KCNV2: variants seen among roughly 807,000 people sequenced by gnomAD.
The protein encoded by KCNV2 is potassium voltage-gated channel subfamily V member 2.
In KCNV2, 65 loss-of-function variants were observed where a neutral mutation model predicts 37.0. That is an observed-to-expected ratio of 1.76 (90% CI 1.44 to 2.16). The LOEUF (loss-of-function observed/expected upper bound fraction) is 2.16. KCNV2 is among the 30% of genes most tolerant of loss of function. KCNV2 has a pLI of 0.00. For synonymous variants in KCNV2, 518 were observed against 328.6 expected, an observed-to-expected ratio of 1.58 and a Z score of -6.23; for missense variants, 1,232 against 766.7, an observed-to-expected ratio of 1.61 and a Z score of -7.17.
At position 2,729,864 on chromosome 9, in the gene KCNV2, C is replaced by A; in HGVS notation, c.*137C>A. ...GGCCATTTCGTTCACAAAGTACTGC[C>A]TCTAGAAATACTCATTTTGGCCCAA... On this transcript the variant is annotated 3_prime_UTR_variant, in exon 2 of 2. Transcript: ENST00000382082. The A allele has an allele frequency of 1.1e-6, 1 of 872,424 alleles. No homozygotes were observed. Among genetic ancestry groups the A allele is most frequent in the African/African-American group, 1.7e-5 (1 of 59,344 alleles). 54.0% of individuals were successfully genotyped at this position (872,424 alleles called of 1,614,324 possible). A position where few individuals can be genotyped will look rare whatever the true frequency, so the allele number is the denominator to read the frequency against.
At position 2,718,115 on chromosome 9, in the gene KCNV2, C is replaced by T. The variant is rs1400557971; in HGVS notation, c.376C>T (p.Leu126=). The stretch of plus-strand genomic sequence containing the variant: ...CTTCCCCAAGACGCGCCTAGGTCGC[C>T]TGGCCACCTCCACCAGCCGCAGCCG... ...AGFPKTRLGR[L]ATSTSRSRQL... Residue 126 remains leucine (L), a synonymous_variant, in exon 1 of 2, where the codon CTG becomes TTG. Coordinates refer to ENST00000382082, the MANE Select transcript of KCNV2 (RefSeq NM_133497.4). 1.9e-6 allele frequency: 3 copies of T among 1,601,552 alleles called. No individual in the cohort carries two copies. Among genetic ancestry groups the T allele is most frequent in the Admixed American group, 3.5e-5 (2 of 57,290 alleles).
At chr9:2,729,409 G>C (rs762181620) in intron 1 of KCNV2, 37 bp from the exon 2 acceptor site, 4 of 1,611,248 alleles carry the variant, frequency 2.5e-6, no homozygotes, top group Non-Finnish European at 3.4e-6. Flanking sequence ...CCCGATCTTA[G>C]TGCTAACAAT....
rs1484812852 is a variant in KCNV2 at position 2,729,393 on chromosome 9, C to G, written c.1357-53C>G. The G allele has an allele frequency of 1.9e-6, 3 of 1,602,904 alleles. No individual in the cohort carries two copies. In the African/African-American group the frequency reaches 4.0e-5, roughly 21 times the overall value. On this transcript the variant is annotated intron_variant, in intron 1 of 1. Transcript: ENST00000382082. Reference sequence around the variant, plus strand: ...CCCTGCTTGCTCCTCTCCCTTTCTTCTCCTCCCCGATCTTAGTGCTAACAA... The same window carrying G: ...CCCTGCTTGCTCCTCTCCCTTTCTTGTCCTCCCCGATCTTAGTGCTAACAA...
At chr9:2,724,413 A>G (rs937434230) in intron 1 of KCNV2, among the ~76,000 whole-genome samples, 3 of 152,226 alleles carry the variant, frequency 2.0e-5, no homozygotes, top group Admixed American at 6.5e-5. Flanking sequence ...CAAACAGGGA[A>G]TTTAATACAA....
In KCNV2 at chr9:2,718,980, T is replaced by A; in HGVS notation, c.1241T>A (p.Leu414Gln). The A allele has an allele frequency of 1.2e-6, 2 of 1,611,808 alleles. No individual in the cohort carries two copies. The highest frequency in any genetic ancestry group is 4.5e-5 in the East Asian group (2 of 44,878). The change falls in exon 1 of 2, where the codon CTG becomes CAG. Residue 414 changes from leucine (L) to glutamine (Q), a missense_variant. By Grantham distance (113) the Leu-to-Gln change is moderately radical (BLOSUM62 -2). Transcript: ENST00000382082. Reference protein sequence around the residue: ...LRQCYQQVGCLLLFIAMGIFT... With the variant: ...LRQCYQQVGCQLLFIAMGIFT... Reference sequence around the variant, plus strand: ...CAGTGCTACCAGCAGGTGGGCTGCCTGCTGCTCTTCATCGCCATGGGCATC... The same window carrying A: ...CAGTGCTACCAGCAGGTGGGCTGCCAGCTGCTCTTCATCGCCATGGGCATC...
intron 1 of KCNV2, among the ~76,000 whole-genome samples, chr9:2,728,382 G>T (rs978009570): frequency 6.6e-6 from 1 of 152,178 alleles, no homozygotes; most frequent in African/African-American, 2.4e-5. Flanking sequence ...AAGGCTTCTA[G>T]TAATTTAGCC....
intron 1 of KCNV2, among the ~76,000 whole-genome samples, chr9:2,722,746 C>A (rs1356097218): frequency 6.6e-6 from 1 of 152,024 alleles, no homozygotes; most frequent in Non-Finnish European, 1.5e-5. Context: ...TCAGCGTATA[C>A]TCTGATTTCA....
In KCNV2 at chr9:2,718,494, A is replaced by C; in HGVS notation, c.755A>C (p.Lys252Thr). Reference protein sequence around the residue: ...QRRRLWNLMEKPFSSVAAKAI... With the variant: ...QRRRLWNLMETPFSSVAAKAI... ...CGCCGCCTCTGGAACCTCATGGAGA[A>C]GCCATTCTCCTCGGTGGCCGCCAAG... The change falls in exon 1 of 2, where the codon AAG becomes ACG. Residue 252 changes from lysine (K) to threonine (T), a missense_variant. Physicochemically the swap from Lys to Thr is moderately conservative, Grantham distance 78. Transcript: ENST00000382082. 1 of 1,611,018 alleles carries C rather than the reference A, an allele frequency of 6.2e-7. No individual in the cohort carries two copies. The highest frequency in any genetic ancestry group is 8.5e-7 in the Non-Finnish European group (1 of 1,179,212).
chr9:2,728,312 G>A (rs1820000766), intron 1 of KCNV2, among the ~76,000 whole-genome samples: 1 of 152,126 alleles, frequency 6.6e-6, no homozygotes, highest in Admixed American at 6.5e-5. Context: ...AGCAAAGAGT[G>A]CCCCCCTGGA....
chr9:2,719,195 C>A, intron 1 of KCNV2, 100 bp downstream of exon 1: 1 of 1,329,038 alleles, frequency 7.5e-7, no homozygotes, highest in Non-Finnish European at 1.0e-6. Context: ...GCTTCTGATC[C>A]TCGTCTTCCC....
chr9:2,722,591 T>C (rs1015170641), intron 1 of KCNV2, among the ~76,000 whole-genome samples: 2 of 144,806 alleles, frequency 1.4e-5, no homozygotes, highest in Non-Finnish European at 3.0e-5. Flanking sequence ...AAATTAGAAG[T>C]TATTTATTTA....
Position 2,717,706 on chromosome 9 carries a change from G to T in KCNV2, c.-34G>T. 1 of 1,614,000 alleles carries T rather than the reference G, an allele frequency of 6.2e-7. No homozygotes were observed. The highest frequency in any genetic ancestry group is 1.1e-5 in the South Asian group (1 of 91,024). On this transcript the variant is annotated 5_prime_UTR_variant, in exon 1 of 2. It adds an upstream start codon to the 5' untranslated region. Coordinates refer to ENST00000382082, the MANE Select transcript of KCNV2 (RefSeq NM_133497.4). ...AGGTGAGGGACCCCTACCACAGCCA[G>T]GAGGAAAAAGCTAGGCGTCCACTTT...
At chr9:2,719,348 TAA>T (rs954596554) in intron 1 of KCNV2, among the ~76,000 whole-genome samples, 3 of 152,200 alleles carry the variant, frequency 2.0e-5, no homozygotes. Context: ...TTCAAACCTT[TAA>T]AAGACAGGTT....
At chr9:2,725,277 G>C (rs555999242) in intron 1 of KCNV2, among the ~76,000 whole-genome samples, 1 of 152,192 alleles carries the variant, frequency 6.6e-6, no homozygotes, top group African/African-American at 2.4e-5. Flanking sequence ...GATGAGGGTT[G>C]TTATTATCCT....
At position 2,718,363 on chromosome 9, in the gene KCNV2, C is replaced by CGAGCT; in HGVS notation, c.629_633dup (p.Glu212Ter). ...GCATCTGCTTCGAGGAGCGGCGCGA[C>CGAGCT]GAGCTGAGCGAACGGCTCAAGATCC... On this transcript the variant is annotated frameshift_variant, in exon 1 of 2. Transcript: ENST00000382082. LOFTEE classifies it high-confidence loss of function. The CGAGCT allele has an allele frequency of 6.3e-7, 1 of 1,598,618 alleles. No individual in the cohort carries two copies. Among genetic ancestry groups the CGAGCT allele is most frequent in the Non-Finnish European group, 8.5e-7 (1 of 1,174,318 alleles).
At chr9:2,722,014 T>TTTATTTATAAATAAATTAGAAG (rs1563797585) in intron 1 of KCNV2, among the ~76,000 whole-genome samples, 6 of 148,418 alleles carry the variant, frequency 4.0e-5, no homozygotes, top group East Asian at 1.9e-4. Context: ...TAAATGTGTA[T>TTTATTTATAAATAAATTAGAAG]TTATTTATAA....
chr9:2,718,893 T>C lies in KCNV2; in HGVS notation c.1154T>C (p.Phe385Ser), dbSNP rs1366341886. The change falls in exon 1 of 2, where the codon TTC becomes TCC. Residue 385 changes from phenylalanine (F) to serine (S), a missense_variant. Phe to Ser is a radical substitution (Grantham distance 155). Coordinates refer to ENST00000382082, the MANE Select transcript of KCNV2 (RefSeq NM_133497.4). ...CGCGTCATGCGCCTCATGCGCATCT[T>C]CCGCATCCTCAAGCTGGCGCGCCAC... ...VLRVMRLMRI[F>S]RILKLARHST... 1.2e-6 allele frequency: 2 copies of C among 1,608,824 alleles called. No homozygotes were observed. Among genetic ancestry groups the C allele is most frequent in the East Asian group, 2.2e-5 (1 of 44,882 alleles).
intron 1 of KCNV2, among the ~76,000 whole-genome samples, chr9:2,721,513 G>C (rs7850344): frequency 6.6e-6 from 1 of 152,108 alleles, no homozygotes; most frequent in African/African-American, 2.4e-5. Context: ...CCGGTATGTA[G>C]ATGCAAAGTG....
intron 1 of KCNV2, among the ~76,000 whole-genome samples, chr9:2,720,909 A>AT (rs1461754840): frequency 1.3e-5 from 2 of 152,204 alleles, no homozygotes; most frequent in Non-Finnish European, 2.9e-5. Flanking sequence ...TTACCAGTAA[A>AT]TTTTTTTGAA....
Sources: gnomAD v4.1 joint callset for allele counts (sites outside exome capture counted in the v4.1 genomes callset) on GRCh38, gnomAD v4.1.1 for gene constraint, MANE v1.5 for transcripts, NCBI Gene and HGNC (gene_info 2026-07-23, HGNC 2026-07-21) for gene names.